Variants in LYPD6B observed in about 807,000 individuals in gnomAD.
LYPD6B encodes ly6/PLAUR domain-containing protein 6B.
A neutral mutation model predicts 22.8 loss-of-function variants in LYPD6B; 17 were observed. The observed-to-expected ratio is 0.75, with a 90% CI of 0.51 to 1.12. The LOEUF is 1.12. Among genes scored for constraint, LYPD6B ranks in the 50% most tolerant of loss-of-function variants. The pLI is 0.00. For synonymous variants in LYPD6B, 106 were observed against 91.6 expected, an observed-to-expected ratio of 1.16 and a Z score of -0.90; for missense variants, 221 against 258.3, an observed-to-expected ratio of 0.86 and a Z score of 0.99.
At chr2:149,203,229 C>G (rs1559075958) in intron 3 of LYPD6B, among the ~76,000 whole-genome samples, 1 of 152,084 alleles carries the variant, frequency 6.6e-6, no homozygotes, top group Non-Finnish European at 1.5e-5. Flanking sequence ...GTCTAAGGTC[C>G]CATAGTTGCT....
At chr2:149,196,367 C>T (rs976770528) in intron 3 of LYPD6B, among the ~76,000 whole-genome samples, 26 of 152,154 alleles carry the variant, frequency 1.7e-4, no homozygotes, top group South Asian at 6.2e-4. Context: ...GTTTATTGTT[C>T]GTTTTTAAAT....
At chr2:149,039,844 T>G (rs1682989916) in intron 1 of LYPD6B, among the ~76,000 whole-genome samples, 1 of 152,214 alleles carries the variant, frequency 6.6e-6, no homozygotes, top group African/African-American at 2.4e-5. Flanking sequence ...GGAGGGGGTG[T>G]TGTCAGACTG....
At chr2:149,083,966 A>C (rs575648498) in intron 1 of LYPD6B, among the ~76,000 whole-genome samples, 90 of 151,302 alleles carry the variant, frequency 5.9e-4, no homozygotes, top group African/African-American at 2.0e-3. Flanking sequence ...ACAAAAAAAA[A>C]CCGGGCGTAG....
At chr2:149,144,971 T>C (rs555712844) in intron 2 of LYPD6B, among the ~76,000 whole-genome samples, 4 of 152,250 alleles carry the variant, frequency 2.6e-5, no homozygotes, top group African/African-American at 9.6e-5. Context: ...TACTATGAAA[T>C]CTACGGATGG....
At chr2:149,181,167 G>T (rs555351597) in intron 3 of LYPD6B, among the ~76,000 whole-genome samples, 1 of 152,148 alleles carries the variant, frequency 6.6e-6, no homozygotes, top group Non-Finnish European at 1.5e-5. Flanking sequence ...CAGCAGGGTT[G>T]TGGGGCCCCC....
At chr2:149,135,295 C>T (rs1004534152) in intron 2 of LYPD6B, among the ~76,000 whole-genome samples, 1 of 150,408 alleles carries the variant, frequency 6.6e-6, no homozygotes, top group African/African-American at 2.4e-5. Flanking sequence ...GTCTGATTTT[C>T]CCAGGGTCCC....
chr2:149,058,452 T>G (rs543597931), intron 1 of LYPD6B, among the ~76,000 whole-genome samples: 1 of 152,346 alleles, frequency 6.6e-6, no homozygotes, highest in East Asian at 1.9e-4. Context: ...CCAAGAAGCA[T>G]CCATTATTCT....
chr2:149,085,164 C>T (rs867613465), intron 1 of LYPD6B, among the ~76,000 whole-genome samples: 8 of 152,210 alleles, frequency 5.3e-5, no homozygotes, highest in African/African-American at 1.4e-4. Context: ...GCTGAGCCAC[C>T]GTGAGGTTGT....
intron 1 of LYPD6B, among the ~76,000 whole-genome samples, chr2:149,070,716 G>T (rs557209721): frequency 3.6e-4 from 54 of 152,056 alleles, no homozygotes; most frequent in Admixed American, 1.2e-3. Context: ...TGTGATTTTT[G>T]AGGTCAATTT....
chr2:149,103,428 G>C (rs1274354850), intron 1 of LYPD6B, among the ~76,000 whole-genome samples: 2 of 152,108 alleles, frequency 1.3e-5, no homozygotes, highest in Non-Finnish European at 2.9e-5. Context: ...AATTTAGGTT[G>C]GCAAAGGGCA....
At position 149,064,475 on chromosome 2, in the gene LYPD6B, A is replaced by G. The variant is rs564422221; in HGVS notation, c.-67+25674A>G. On this transcript the variant is annotated intron_variant, in intron 1 of 6. Coordinates refer to ENST00000409642, the MANE Select transcript of LYPD6B (RefSeq NM_177964.5). ...ACCAGTTATCTTTAAAGGCCTCAGT[A>G]AAAGAGACATGTTAATTACAATTCC... Among the ~76,000 whole-genome samples the G allele has an allele frequency of 1.6e-4, 24 of 152,346 alleles. 1 individual carries two copies. Among genetic ancestry groups the G allele is most frequent in the Admixed American group, 1.6e-3 (24 of 15,308 alleles).
At chr2:149,212,774 C>A (rs1416275714) in intron 5 of LYPD6B, among the ~76,000 whole-genome samples, 1 of 152,164 alleles carries the variant, frequency 6.6e-6, no homozygotes, top group Non-Finnish European at 1.5e-5. Flanking sequence ...CATTTACGTT[C>A]ATTTTCAAAA....
At chr2:149,189,342 TTATATATATA>T (rs770703554) in intron 3 of LYPD6B, among the ~76,000 whole-genome samples, 5 of 66,114 alleles carry the variant, frequency 7.6e-5, no homozygotes, top group African/African-American at 3.1e-4. Flanking sequence ...TTGTCCAAAA[TTATATATATA>T]TATATATATA....
At chr2:149,172,697 T>C (rs1690927077) in intron 3 of LYPD6B, among the ~76,000 whole-genome samples, 1 of 152,154 alleles carries the variant, frequency 6.6e-6, no homozygotes, top group Non-Finnish European at 1.5e-5. Context: ...TAAACTTTAA[T>C]TGGTAGATGG....
chr2:149,063,201 C>T (rs1256585062), intron 1 of LYPD6B, among the ~76,000 whole-genome samples: 1 of 152,040 alleles, frequency 6.6e-6, no homozygotes, highest in East Asian at 1.9e-4. Context: ...AACGATGGTG[C>T]CAAATCTTGA....
chr2:149,104,670 T>G (rs1402128823), intron 1 of LYPD6B, among the ~76,000 whole-genome samples: 4 of 152,196 alleles, frequency 2.6e-5, no homozygotes, highest in African/African-American at 9.6e-5. Context: ...GTGGCTTGTC[T>G]TTTTATTCTC....
At chr2:149,203,717 T>C (rs1056845200) in intron 3 of LYPD6B, among the ~76,000 whole-genome samples, 1 of 152,252 alleles carries the variant, frequency 6.6e-6, no homozygotes, top group Non-Finnish European at 1.5e-5. Flanking sequence ...CAAAAGTGGT[T>C]GCTGTTTTAT....
chr2:149,073,708 C>T (rs1382820965), intron 1 of LYPD6B, among the ~76,000 whole-genome samples: 1 of 152,046 alleles, frequency 6.6e-6, no homozygotes, highest in Non-Finnish European at 1.5e-5. Context: ...GGTGCCTGCA[C>T]TTCTATAGGT....
At chr2:149,148,050 C>T (rs1689146041) in intron 2 of LYPD6B, among the ~76,000 whole-genome samples, 1 of 151,994 alleles carries the variant, frequency 6.6e-6, no homozygotes, top group Admixed American at 6.5e-5. Flanking sequence ...TCTCTTGACC[C>T]ATTTGCCTGT....
Sources: gnomAD v4.1 joint callset for allele counts (sites outside exome capture counted in the v4.1 genomes callset) on GRCh38, gnomAD v4.1.1 for gene constraint, MANE v1.5 for transcripts, NCBI Gene and HGNC (gene_info 2026-07-23, HGNC 2026-07-21) for gene names.